Variants in GALNT10 observed in about 807,000 individuals in gnomAD.
The protein encoded by GALNT10 is GalNAc transferase 10.
GALNT10 carries 41 observed loss-of-function variants against 75.0 expected under a neutral mutation model. The ratio of observed to expected loss-of-function variants is 0.55; its 90% CI spans 0.43 to 0.71. The LOEUF is 0.71. Among genes scored for constraint, GALNT10 ranks in the 30% least tolerant of loss-of-function variants. The probability of loss-of-function intolerance (pLI) is 0.00; values close to 1 mark genes in which losing one functional copy is unlikely to be tolerated. For synonymous variants in GALNT10, 302 were observed against 313.0 expected, an observed-to-expected ratio of 0.96 and a Z score of 0.37; for missense variants, 727 against 818.5, an observed-to-expected ratio of 0.89 and a Z score of 1.36.
intron 1 of GALNT10, among the ~76,000 whole-genome samples, chr5:154,271,307 G>A (rs1157926609): frequency 6.6e-6 from 1 of 151,810 alleles, no homozygotes; most frequent in African/African-American, 2.4e-5. Context: ...TCTCTGCTAA[G>A]AATACAAAAA....
At chr5:154,235,043 C>T (rs193100186) in intron 1 of GALNT10, among the ~76,000 whole-genome samples, 1 of 152,246 alleles carries the variant, frequency 6.6e-6, no homozygotes, top group East Asian at 1.9e-4. Flanking sequence ...GGGAAATAGT[C>T]TAGTACATAG....
chr5:154,198,481 G>T (rs1325495667), intron 1 of GALNT10, among the ~76,000 whole-genome samples: 1 of 152,214 alleles, frequency 6.6e-6, no homozygotes, highest in Non-Finnish European at 1.5e-5. Flanking sequence ...TGTCTAGAAG[G>T]TGAGCAATTC....
intron 3 of GALNT10, among the ~76,000 whole-genome samples, chr5:154,326,724 G>T (rs1175487552): frequency 2.0e-5 from 3 of 152,178 alleles, no homozygotes; most frequent in Non-Finnish European, 4.4e-5. Context: ...ATTAGGGATT[G>T]CTAGCAGCTA....
chr5:154,357,049 G>C (rs563832934), intron 4 of GALNT10, among the ~76,000 whole-genome samples: 22 of 152,298 alleles, frequency 1.4e-4, no homozygotes, highest in African/African-American at 5.1e-4. Flanking sequence ...ACATTCCCGG[G>C]TATGTTTATA....
chr5:154,279,482 T>C (rs750277380), intron 1 of GALNT10, among the ~76,000 whole-genome samples: 18 of 152,028 alleles, frequency 1.2e-4, no homozygotes, highest in Non-Finnish European at 2.5e-4. Context: ...TTTGTATTTT[T>C]AGTAGAGACG....
intron 7 of GALNT10, among the ~76,000 whole-genome samples, chr5:154,401,147 A>G (rs1038285649): frequency 1.3e-5 from 2 of 152,218 alleles, no homozygotes; most frequent in Admixed American, 1.3e-4. Context: ...GATGGCCAGC[A>G]TGATTGGGGC....
chr5:154,347,075 G>T, intron 4 of GALNT10: 1 of 461,930 alleles, frequency 2.2e-6, no homozygotes, highest in Non-Finnish European at 4.4e-6. Flanking sequence ...AATAATATAT[G>T]AGAACAGTAA....
chr5:154,363,105 T>A (rs1460052909), intron 4 of GALNT10, among the ~76,000 whole-genome samples: 2 of 152,174 alleles, frequency 1.3e-5, no homozygotes, highest in African/African-American at 4.8e-5. Flanking sequence ...GAGCTACATG[T>A]ACTGTTATAG....
At chr5:154,216,647 C>A (rs1333591523) in intron 1 of GALNT10, among the ~76,000 whole-genome samples, 2 of 152,142 alleles carry the variant, frequency 1.3e-5, no homozygotes, top group Non-Finnish European at 2.9e-5. Context: ...CCAAGTCTTA[C>A]CAATTGAAAG....
Position 154,376,321 on chromosome 5 carries a change from AGT to A in GALNT10, c.617_618del (p.Val206GlufsTer35). The A allele has an allele frequency of 1.2e-6, 2 of 1,612,774 alleles. No individual in the cohort carries two copies. The highest frequency in any genetic ancestry group is 1.7e-6 in the Non-Finnish European group (2 of 1,179,236). ...TGAAGACTACATGGCCCTTTTCCCC[AGT>A]GTGAGGATTCTTCGAACCAAGAAAC... Reference protein sequence around the residue: ...PLEDYMALFPSVRILRTKKRE... With the variant: ...PLEDYMALFPXVRILRTKKRE... On this transcript the variant is annotated frameshift_variant, in exon 5 of 12. Coordinates refer to ENST00000297107, the MANE Select transcript of GALNT10 (RefSeq NM_198321.4). LOFTEE classifies it high-confidence loss of function. The surrounding 1 kb of genome is among the most constrained non-coding windows in gnomAD (Gnocchi z 4.1).
intron 1 of GALNT10, among the ~76,000 whole-genome samples, chr5:154,286,590 T>A (rs1754116003): frequency 6.6e-6 from 1 of 152,146 alleles, no homozygotes; most frequent in Non-Finnish European, 1.5e-5. Flanking sequence ...ACGTAGCAAA[T>A]GACCTTTTCT....
intron 3 of GALNT10, among the ~76,000 whole-genome samples, chr5:154,327,207 C>A (rs377162696): frequency 8.4e-6 from 1 of 118,386 alleles, no homozygotes; most frequent in Non-Finnish European, 1.7e-5. Context: ...CAGATTGAGA[C>A]CCTGTCTCAA....
In GALNT10 at chr5:154,411,863, C is replaced by T. The variant is rs1309483123; in HGVS notation, c.1387-1026C>T. On this transcript the variant is annotated intron_variant, in intron 9 of 11. Coordinates refer to ENST00000297107, the MANE Select transcript of GALNT10 (RefSeq NM_198321.4). ...AAGACACCTGGGGAGACTAGGAGAG[C>T]CATGAGACCACAACAGTGGTCTTAC... 2.6e-5 allele frequency among the ~76,000 whole-genome samples: 4 copies of T among 152,220 alleles called. No homozygotes were observed. In the East Asian group the frequency reaches 5.8e-4, roughly 22 times the overall value.
Position 154,419,930 on chromosome 5 carries a change from G to A in GALNT10, c.*2958G>A, listed in dbSNP as rs1756594870. On this transcript the variant is annotated 3_prime_UTR_variant, in exon 12 of 12. Coordinates refer to ENST00000297107, the MANE Select transcript of GALNT10 (RefSeq NM_198321.4). ...AGGATAAGGTCACAAAGTAGGGTGT[G>A]ACTTGAAAGTATCGTGACCATGTGG... is the stretch of plus-strand genomic sequence containing the variant. The A allele has an allele frequency of 6.6e-6, 1 of 152,228 alleles. No homozygotes were observed. The highest frequency in any genetic ancestry group is 1.5e-5 in the Non-Finnish European group (1 of 68,052). The allele number at this position is 152,228 out of a possible 1,614,324, so 9.4% of individuals were successfully genotyped here.
intron 4 of GALNT10, among the ~76,000 whole-genome samples, chr5:154,366,004 G>A (rs1755468908): frequency 6.6e-6 from 1 of 152,198 alleles, no homozygotes; most frequent in South Asian, 2.1e-4. Context: ...AGGAAGGCAT[G>A]TATATCAAGA....
intron 6 of GALNT10, among the ~76,000 whole-genome samples, chr5:154,384,118 A>C (rs1365085259): frequency 5.9e-5 from 9 of 152,180 alleles, no homozygotes; most frequent in Non-Finnish European, 2.9e-5. Context: ...GCATGGGGGT[A>C]ACTGCCCCCA....
intron 1 of GALNT10, among the ~76,000 whole-genome samples, chr5:154,218,578 A>G (rs2113653097): frequency 6.6e-6 from 1 of 152,320 alleles, no homozygotes; most frequent in Non-Finnish European, 1.5e-5. Context: ...TTAAGGTGGT[A>G]TTTATATTCC....
In GALNT10 at chr5:154,416,756, G is replaced by C. The variant is rs895700981; in HGVS notation, c.1654-58G>C. ...TTCTCATTGCTGGTATTGTTGCTGT[G>C]GTTTGACTGGCCACATGTCTCCAGT... On this transcript the variant is annotated intron_variant, in intron 11 of 11. Coordinates refer to ENST00000297107, the MANE Select transcript of GALNT10 (RefSeq NM_198321.4). This position sits in a 1 kb window ranked among gnomAD's most constrained non-coding sequence, Gnocchi z 4.5. 1.2e-5 allele frequency: 14 copies of C among 1,217,094 alleles called. No individual in the cohort carries two copies. Among genetic ancestry groups the C allele is most frequent in the Non-Finnish European group, 1.7e-5 (14 of 822,666 alleles). The allele number at this position is 1,217,094 out of a possible 1,614,324, so 75.4% of individuals were successfully genotyped here.
At chr5:154,237,145 G>A (rs1244670543) in intron 1 of GALNT10, among the ~76,000 whole-genome samples, 2 of 152,146 alleles carry the variant, frequency 1.3e-5, no homozygotes, top group African/African-American at 4.8e-5. Flanking sequence ...GGAAGCATGA[G>A]TTAAGTGTGG....
Sources: allele counts gnomAD v4.1 joint callset (sites outside exome capture counted in the v4.1 genomes callset), GRCh38; gene constraint gnomAD v4.1.1; non-coding constraint Gnocchi (gnomAD v3.1); transcripts MANE v1.5; gene names NCBI Gene and HGNC (gene_info 2026-07-23, HGNC 2026-07-21).